Variants in ORC3 observed in about 807,000 individuals in gnomAD.
The protein encoded by ORC3 is origin recognition complex subunit 3, also known as homolog of latheo, Drosophila.
ORC3 carries 78 observed loss-of-function variants against 100.7 expected under a neutral mutation model. The ratio of observed to expected loss-of-function variants is 0.77; its 90% CI spans 0.65 to 0.94. ORC3 has a LOEUF of 0.94. ORC3 is among the 40% of genes least tolerant of loss of function. The pLI is 0.00. For missense variants in ORC3, 789 were observed against 823.9 expected, an observed-to-expected ratio of 0.96 and a Z score of 0.52; for synonymous variants, 295 against 289.3, an observed-to-expected ratio of 1.02 and a Z score of -0.20.
intron 5 of ORC3, 136 bp from the exon 6 acceptor site, chr6:87,607,537 G>T: frequency 1.7e-6 from 1 of 603,552 alleles, no homozygotes. Context: ...TGTTACATTA[G>T]CTGTATTGAT....
chr6:87,658,976 A>T (rs1769945047), intron 16 of ORC3, among the ~76,000 whole-genome samples: 2 of 135,654 alleles, frequency 1.5e-5, no homozygotes, highest in African/African-American at 5.5e-5. Flanking sequence ...ACAGAAAAAA[A>T]TGAGAAGTGT....
chr6:87,667,333 T>G lies in ORC3; in HGVS notation c.*210T>G. 1 of 414,670 alleles carries G rather than the reference T, an allele frequency of 2.4e-6. No homozygotes were observed. The highest frequency in any genetic ancestry group is 4.2e-6 in the Non-Finnish European group (1 of 235,760). 25.7% of individuals were successfully genotyped at this position (414,670 alleles called of 1,614,324 possible). On this transcript the variant is annotated 3_prime_UTR_variant, in exon 20 of 20. Coordinates refer to ENST00000392844, the MANE Select transcript of ORC3 (RefSeq NM_012381.4). ...CTTTAGACTCCAACAAATAATAATG[T>G]AACTAAAACTGCTCACACATTTTAC...
At chr6:87,632,993 C>T (rs1358036122) in intron 11 of ORC3, among the ~76,000 whole-genome samples, 1 of 152,198 alleles carries the variant, frequency 6.6e-6, no homozygotes, top group East Asian at 1.9e-4. Flanking sequence ...CCTCATCGAA[C>T]ACTTATTCCA....
intron 9 of ORC3, among the ~76,000 whole-genome samples, chr6:87,620,877 T>G (rs1461873745): frequency 6.6e-6 from 1 of 152,202 alleles, no homozygotes; most frequent in South Asian, 2.1e-4. Context: ...GGAAAAAAAT[T>G]AATTTGTAAA....
At chr6:87,623,240 A>G (rs1296685586) in intron 11 of ORC3, among the ~76,000 whole-genome samples, 1 of 152,242 alleles carries the variant, frequency 6.6e-6, no homozygotes, top group Non-Finnish European at 1.5e-5. Flanking sequence ...TTTCTAATGT[A>G]GAATCCACAC....
chr6:87,671,912 CACA>C (rs150785863), downstream of ORC3, among the ~76,000 whole-genome samples: 18,474 of 152,086 alleles, frequency 0.12, 1,508 homozygotes, highest in African/African-American at 0.23. Context: ...TGCACTCTTG[CACA>C]ACAAGTTTAA....
intron 9 of ORC3, among the ~76,000 whole-genome samples, chr6:87,616,846 G>A (rs28381499): frequency 3.6e-4 from 54 of 152,098 alleles, no homozygotes; most frequent in African/African-American, 1.3e-3. Flanking sequence ...TGTTGCCCAG[G>A]CTGGAGTGCA....
chr6:87,615,207 G>C (rs1337423063), intron 8 of ORC3, among the ~76,000 whole-genome samples: 1 of 152,086 alleles, frequency 6.6e-6, no homozygotes, highest in African/African-American at 2.4e-5. Flanking sequence ...AAACCATCAG[G>C]TTTCATAAGA....
At chr6:87,599,682 A>G (rs1354252192) in intron 2 of ORC3, among the ~76,000 whole-genome samples, 5 of 145,718 alleles carry the variant, frequency 3.4e-5, no homozygotes, top group African/African-American at 1.3e-4. Flanking sequence ...TCTCTTAATA[A>G]TAGTGTCCTC....
intron 11 of ORC3, among the ~76,000 whole-genome samples, chr6:87,631,043 A>AT (rs11414874): frequency 0.068 from 9,249 of 136,542 alleles, 487 homozygotes; most frequent in African/African-American, 0.13. Flanking sequence ...GCTAATTTAA[A>AT]TTTTTTTTTT....
chr6:87,652,628 A>G (rs557502504), intron 13 of ORC3, among the ~76,000 whole-genome samples: 1 of 152,342 alleles, frequency 6.6e-6, no homozygotes, highest in South Asian at 2.1e-4. Flanking sequence ...TTAGCACGTC[A>G]TATCTTCTGT....
At chr6:87,614,174 C>T (rs1015268910) in intron 8 of ORC3, among the ~76,000 whole-genome samples, 2 of 151,976 alleles carry the variant, frequency 1.3e-5, no homozygotes, top group Non-Finnish European at 2.9e-5. Flanking sequence ...TCTGTGCACT[C>T]ACAGGCTCAA....
chr6:87,652,861 A>T (rs1562376076), intron 13 of ORC3, among the ~76,000 whole-genome samples: 1 of 152,200 alleles, frequency 6.6e-6, no homozygotes, highest in Non-Finnish European at 1.5e-5. Flanking sequence ...TATTACAAAC[A>T]TCATGTTAGA....
At chr6:87,613,059 A>G (rs1778896386) in intron 8 of ORC3, among the ~76,000 whole-genome samples, 1 of 152,242 alleles carries the variant, frequency 6.6e-6, no homozygotes, top group African/African-American at 2.4e-5. Context: ...AAATGCAAGT[A>G]TGATTCTTTA....
intron 13 of ORC3, among the ~76,000 whole-genome samples, chr6:87,640,759 T>C (rs116234785): frequency 3.0e-4 from 45 of 152,324 alleles, no homozygotes; most frequent in African/African-American, 1.0e-3. Context: ...TTTTCATATT[T>C]TTAAAATTCA....
intron 16 of ORC3, among the ~76,000 whole-genome samples, chr6:87,659,751 G>A (rs1483269908): frequency 1.3e-5 from 2 of 151,852 alleles, no homozygotes; most frequent in East Asian, 1.9e-4. Context: ...GCATGGTGGC[G>A]CACACCTGTA....
At chr6:87,670,910 C>CA (rs765512219), downstream of ORC3, among the ~76,000 whole-genome samples, 20 of 152,186 alleles carry the variant, frequency 1.3e-4, no homozygotes, top group Non-Finnish European at 2.5e-4. Context: ...TGCAAAAAGT[C>CA]AAAAGTGGTG....
intron 2 of ORC3, among the ~76,000 whole-genome samples, chr6:87,597,150 A>C (rs1777508635): frequency 6.6e-6 from 1 of 152,234 alleles, no homozygotes; most frequent in Non-Finnish European, 1.5e-5. Flanking sequence ...CTTGGGAATG[A>C]GACCCAAGTC....
At chr6:87,645,166 A>G (rs535431240) in intron 13 of ORC3, among the ~76,000 whole-genome samples, 18 of 152,292 alleles carry the variant, frequency 1.2e-4, no homozygotes, top group African/African-American at 4.3e-4. Flanking sequence ...TCAGATGACA[A>G]AGATAACCCT....
Sources: gnomAD v4.1 joint callset for allele counts (sites outside exome capture counted in the v4.1 genomes callset) on GRCh38, gnomAD v4.1.1 for gene constraint, MANE v1.5 for transcripts, NCBI Gene and HGNC (gene_info 2026-07-23, HGNC 2026-07-21) for gene names.